MCF2L2: variants seen among roughly 807,000 people sequenced by gnomAD.
MCF2L2 encodes MCF.2 cell line derived transforming sequence-like 2, also known as probable guanine nucleotide exchange factor MCF2L2.
In MCF2L2, 102 loss-of-function variants were observed where a neutral mutation model predicts 150.2. The observed-to-expected ratio is 0.68, with a 90% confidence interval of 0.58 to 0.80. The LOEUF (loss-of-function observed/expected upper bound fraction) is 0.80, where lower values mean the gene tolerates loss of function less well. Among genes scored for constraint, MCF2L2 ranks in the 30% least tolerant of loss-of-function variants. The pLI, the probability that MCF2L2 is intolerant of heterozygous loss-of-function variation, is 0.00. For missense variants in MCF2L2, 1,256 were observed against 1,372.8 expected (o/e 0.91, Z 1.34); for synonymous variants, 465 against 491.3 (o/e 0.95, Z 0.71).
Position 183,206,170 on chromosome 3 carries a change from T to C in MCF2L2, c.2757A>G (p.Arg919=), listed in dbSNP as rs375246661. Residue 919 remains arginine (R), a synonymous_variant, in exon 24 of 30, where the codon AGA becomes AGG. Coordinates refer to ENST00000328913, the MANE Select transcript of MCF2L2 (RefSeq NM_015078.4). ...SIRQLGRGSH[R]KFEIASRNGL... ...CATTTCGACTGGCAATCTCAAACTT[T>C]CTATGGCTCCCCCTTCCAAGCTGGC... 4.6e-5 allele frequency: 75 copies of C among 1,614,086 alleles called. No homozygotes were observed. The highest frequency in any genetic ancestry group is 5.9e-5 in the Non-Finnish European group (70 of 1,180,036).
At position 183,284,350 on chromosome 3, in the gene MCF2L2, A is replaced by G. The variant is rs145691482; in HGVS notation, c.1776+4770T>C. On this transcript the variant is annotated intron_variant, in intron 14 of 29. Coordinates refer to ENST00000328913, the MANE Select transcript of MCF2L2 (RefSeq NM_015078.4). ...ACCTATAAATGTAACCTCTAGGACA[A>G]TGTTACAAAGAGTGAGATCTTTATA... Among the ~76,000 whole-genome samples the G allele has an allele frequency of 1.5e-3, 222 of 152,342 alleles. 3 individuals are homozygous for G. The highest frequency in any genetic ancestry group is 5.1e-3 in the African/African-American group (213 of 41,574).
At chr3:183,215,719 T>C (rs1722886457) in intron 22 of MCF2L2, among the ~76,000 whole-genome samples, 1 of 152,242 alleles carries the variant, frequency 6.6e-6, no homozygotes, top group Non-Finnish European at 1.5e-5. Flanking sequence ...CCCTTGACTT[T>C]CTGGTTTGTC....
At chr3:183,333,644 T>C (rs1730354090) in intron 5 of MCF2L2, among the ~76,000 whole-genome samples, 1 of 152,204 alleles carries the variant, frequency 6.6e-6, no homozygotes, top group Non-Finnish European at 1.5e-5. Flanking sequence ...TACCCTCACT[T>C]AAATATACAT....
At position 183,389,064 on chromosome 3, in the gene MCF2L2, A is replaced by G. The variant is rs143828074; in HGVS notation, c.160+632T>C. ...TCATTCTCCTAAGTTGGGTCTAACC[A>G]TAATTTGGGGTTTGGCATGTACTTC... On this transcript the variant is annotated intron_variant, in intron 2 of 29. Transcript: ENST00000328913. Among the ~76,000 whole-genome samples the G allele has an allele frequency of 3.7e-3, 570 of 152,342 alleles. 3 individuals are homozygous for G. Among genetic ancestry groups the G allele is most frequent in the African/African-American group, 0.013 (543 of 41,578 alleles).
intron 1 of MCF2L2, among the ~76,000 whole-genome samples, chr3:183,400,813 TTAAAA>T (rs1331276424): frequency 2.0e-5 from 3 of 151,722 alleles, no homozygotes; most frequent in South Asian, 2.1e-4. Flanking sequence ...CACCAGATAC[TTAAAA>T]TAAAACGATA....
chr3:183,335,192 T>C (rs1318158095), intron 5 of MCF2L2, among the ~76,000 whole-genome samples: 1 of 151,908 alleles, frequency 6.6e-6, no homozygotes, highest in African/African-American at 2.4e-5. Context: ...ACTAATGAGA[T>C]ATGATAACTA....
chr3:183,371,947 C>G (rs1386132391), intron 3 of MCF2L2: 1 of 151,458 alleles, frequency 6.6e-6, no homozygotes, highest in East Asian at 1.9e-4. Context: ...CGTCTTTTTT[C>G]CACGAGGAAT....
intron 10 of MCF2L2, among the ~76,000 whole-genome samples, chr3:183,302,575 G>A (rs1191367467): frequency 6.6e-6 from 1 of 152,122 alleles, no homozygotes; most frequent in Non-Finnish European, 1.5e-5. Flanking sequence ...GTTTTTGAAA[G>A]GACCACTCCC....
rs1560034963 is a variant in MCF2L2, at chr3:183,351,221, TA to T, written c.276-9592del. 5.1e-3 allele frequency among the ~76,000 whole-genome samples: 473 copies of T among 93,182 alleles called. 11 individuals carry two copies. The highest frequency in any genetic ancestry group is 0.014 in the Admixed American group (132 of 9,554). 61.1% of individuals were successfully genotyped at this position (93,182 alleles called of 152,430 possible). A position where few individuals can be genotyped will look rare whatever the true frequency, so the allele number is the denominator to read the frequency against. On this transcript the variant is annotated intron_variant, in intron 3 of 29. Transcript: ENST00000328913. Reference sequence around the variant, plus strand: ...ATATATATATATATATATATATATATATATATATATATATATTTATTTATTT... The same window carrying T: ...ATATATATATATATATATATATATATTATATATATATATATTTATTTATTT...
intron 26 of MCF2L2, among the ~76,000 whole-genome samples, chr3:183,194,518 C>T (rs1722017272): frequency 6.6e-6 from 1 of 152,130 alleles, no homozygotes; most frequent in African/African-American, 2.4e-5. Context: ...TCAGAGGGTG[C>T]GTTTGCCCAC....
chr3:183,379,787 TCAGA>T (rs1343629408), intron 2 of MCF2L2, among the ~76,000 whole-genome samples: 1 of 152,140 alleles, frequency 6.6e-6, no homozygotes, highest in Non-Finnish European at 1.5e-5. Flanking sequence ...AACGCTAAAA[TCAGA>T]CAGCCTGGGT....
Position 183,207,097 on chromosome 3 carries a change from G to C in MCF2L2, c.2712+511C>G, listed in dbSNP as rs557684862. Among the ~76,000 whole-genome samples, 3 of 152,218 alleles carry C rather than the reference G, an allele frequency of 2.0e-5. No homozygotes were observed. In the South Asian group the frequency reaches 6.2e-4, roughly 32 times the overall value. ...AACAGCATAAATATATATGGGTGTG[G>C]CTCCTGTATGTGGGTGTGTGTGTTT... On this transcript the variant is annotated intron_variant, in intron 23 of 29. Transcript: ENST00000328913.
chr3:183,402,409 A>T (rs1363528764), intron 1 of MCF2L2, among the ~76,000 whole-genome samples: 4 of 146,310 alleles, frequency 2.7e-5, no homozygotes, highest in Non-Finnish European at 4.5e-5. Flanking sequence ...AGCCGAGATC[A>T]CGCCACTGCA....
chr3:183,424,796 T>C (rs1432151309), intron 1 of MCF2L2, among the ~76,000 whole-genome samples: 2 of 152,186 alleles, frequency 1.3e-5, no homozygotes, highest in African/African-American at 2.4e-5. Context: ...GTGAGAAATA[T>C]ACTAAAGACT....
intron 5 of MCF2L2, among the ~76,000 whole-genome samples, chr3:183,324,363 C>T (rs1298804949): frequency 1.3e-5 from 2 of 152,194 alleles, no homozygotes; most frequent in East Asian, 3.8e-4. Context: ...GACTATATCA[C>T]ACCCTCTACT....
intron 15 of MCF2L2, among the ~76,000 whole-genome samples, chr3:183,239,119 G>C (rs1448009930): frequency 3.9e-5 from 6 of 151,920 alleles, no homozygotes; most frequent in Admixed American, 6.6e-5. Context: ...TAACCTTTCA[G>C]CACCAACAGC....
At chr3:183,320,595 G>T (rs1219820694) in intron 6 of MCF2L2, among the ~76,000 whole-genome samples, 2 of 152,144 alleles carry the variant, frequency 1.3e-5, no homozygotes, top group East Asian at 3.8e-4. Flanking sequence ...CTAGGGCCTT[G>T]CTCTGGATTA....
At chr3:183,295,176 T>C in intron 13 of MCF2L2, 124 bp downstream of exon 13, 3 of 944,916 alleles carry the variant, frequency 3.2e-6, no homozygotes, top group Non-Finnish European at 4.8e-6. Context: ...GCTATATCTG[T>C]AGTTTGTTTT....
chr3:183,187,921 T>A lies in MCF2L2; in HGVS notation c.3016+5078A>T, dbSNP rs139918007. Among the ~76,000 whole-genome samples, 389 of 152,244 alleles carry A rather than the reference T, an allele frequency of 2.6e-3. 2 individuals carry two copies. The highest frequency in any genetic ancestry group is 7.9e-3 in the African/African-American group (329 of 41,532). ...TGGCACGTGGAATCCTTTCCCTTTC[T>A]CCTCATGTCAATAGACCAGCAGGCA... On this transcript the variant is annotated intron_variant, in intron 27 of 29. Coordinates refer to ENST00000328913, the MANE Select transcript of MCF2L2 (RefSeq NM_015078.4).
Sources: allele counts gnomAD v4.1 joint callset (sites outside exome capture counted in the v4.1 genomes callset), GRCh38; gene constraint gnomAD v4.1.1; transcripts MANE v1.5; gene names NCBI Gene and HGNC (gene_info 2026-07-23, HGNC 2026-07-21).